The following TAOK3 variants were observed in gnomAD, a reference collection of about 807,000 sequenced individuals.
TAOK3 encodes the protein TAO kinase 3, also known as serine/threonine-protein kinase TAO3.
A neutral mutation model predicts 120.4 loss-of-function variants in TAOK3; 40 were observed. The ratio of observed to expected loss-of-function variants is 0.33; its 90% CI spans 0.26 to 0.43. TAOK3 has a LOEUF of 0.43. Ranked by LOEUF, TAOK3 falls within the 20% of genes least tolerant of loss-of-function variation. The pLI is 1.00. For missense variants in TAOK3, 821 were observed against 1,112.1 expected (o/e 0.74, Z 3.72); for synonymous variants, 355 against 387.5 (o/e 0.92, Z 0.99).
chr12:118,187,701 G>A (rs2139023935), intron 14 of TAOK3, among the ~76,000 whole-genome samples: 1 of 152,026 alleles, frequency 6.6e-6, no homozygotes, highest in East Asian at 1.9e-4. Flanking sequence ...TTTAGAGAGG[G>A]CACCCCACAA....
At chr12:118,299,831 T>A (rs2042814460) in intron 1 of TAOK3, among the ~76,000 whole-genome samples, 1 of 152,180 alleles carries the variant, frequency 6.6e-6, no homozygotes, top group Non-Finnish European at 1.5e-5. Context: ...TTTTATTTTT[T>A]TTTTTAAACT....
intron 9 of TAOK3, among the ~76,000 whole-genome samples, chr12:118,215,253 T>C (rs1160796363): frequency 2.4e-5 from 3 of 123,184 alleles, no homozygotes. Flanking sequence ...CCCAGCACTT[T>C]GGGAGGCCGA....
intron 16 of TAOK3, among the ~76,000 whole-genome samples, chr12:118,176,512 G>A (rs1399893770): frequency 6.6e-6 from 1 of 152,138 alleles, no homozygotes; most frequent in Non-Finnish European, 1.5e-5. Flanking sequence ...TTTGACTGAT[G>A]TGGAAAATAC....
intron 2 of TAOK3, 64 bp downstream of exon 2, chr12:118,266,591 A>T: frequency 2.5e-6 from 1 of 396,924 alleles, no homozygotes; most frequent in Non-Finnish European, 4.4e-6. Context: ...AAATTCATCC[A>T]AAAACCCAGA....
At chr12:118,289,919 C>T (rs1046135533) in intron 1 of TAOK3, among the ~76,000 whole-genome samples, 37 of 149,196 alleles carry the variant, frequency 2.5e-4, no homozygotes, top group African/African-American at 7.4e-4. Context: ...AGCTTGAACC[C>T]GGGAATGTAG....
intron 1 of TAOK3, among the ~76,000 whole-genome samples, chr12:118,344,252 G>C (rs2141154481): frequency 6.7e-6 from 1 of 149,584 alleles, no homozygotes; most frequent in East Asian, 2.0e-4. Context: ...AAAGATTCAA[G>C]CTCTTGATTA....
chr12:118,189,952 G>T lies in TAOK3; in HGVS notation c.1195-11C>A. 4 of 1,613,018 alleles carry T rather than the reference G, an allele frequency of 2.5e-6. No homozygotes were observed. ...TATGAATACATGATCCTGCAGAAAT[G>T]GATAAAAACAAGGAGAAAGTCCAGC... On this transcript the variant is annotated splice_polypyrimidine_tract_variant and intron_variant, in intron 13 of 20. Transcript: ENST00000392533.
chr12:118,289,375 C>T (rs2042389756), intron 1 of TAOK3, among the ~76,000 whole-genome samples: 1 of 150,544 alleles, frequency 6.6e-6, no homozygotes. Context: ...TTTGATGATC[C>T]TTTTCCTTCC....
chr12:118,294,229 A>G (rs2042590515), intron 1 of TAOK3, among the ~76,000 whole-genome samples: 1 of 152,154 alleles, frequency 6.6e-6, no homozygotes, highest in South Asian at 2.1e-4. Context: ...TGAAACCATC[A>G]ACACAATCAA....
intron 1 of TAOK3, among the ~76,000 whole-genome samples, chr12:118,280,792 T>C (rs926446382): frequency 6.6e-6 from 1 of 152,246 alleles, no homozygotes; most frequent in African/African-American, 2.4e-5. Context: ...TTGGGCAGTA[T>C]GGCCATTTTA....
intron 11 of TAOK3, among the ~76,000 whole-genome samples, chr12:118,202,170 TAATA>T (rs938542893): frequency 4.2e-4 from 62 of 148,776 alleles, no homozygotes; most frequent in Non-Finnish European, 6.8e-4. Context: ...AACAAATATA[TAATA>T]AATATATATA....
chr12:118,369,316 T>C (rs1367048861), intron 1 of TAOK3, among the ~76,000 whole-genome samples: 2 of 152,196 alleles, frequency 1.3e-5, no homozygotes, highest in African/African-American at 4.8e-5. Context: ...CCCTACCTAC[T>C]CTCCTAACCC....
In TAOK3 at chr12:118,160,013, C is replaced by G; in HGVS notation, c.2352+133G>C. 2.6e-6 allele frequency: 2 copies of G among 778,814 alleles called. No individual in the cohort carries two copies. The highest frequency in any genetic ancestry group is 2.5e-5 in the East Asian group (1 of 39,366). 48.2% of individuals were successfully genotyped at this position (778,814 alleles called of 1,614,324 possible). ...TGGCTTTATTCAACGTCGTCCTTTC[C>G]TCAGTCCTTTGGGCAGAAAAACATC... On this transcript the variant is annotated intron_variant, in intron 19 of 20. Transcript: ENST00000392533. This position sits in a 1 kb window ranked among gnomAD's most constrained non-coding sequence, Gnocchi z 4.2.
chr12:118,227,916 T>C (rs1205677182), intron 9 of TAOK3, among the ~76,000 whole-genome samples: 1 of 152,204 alleles, frequency 6.6e-6, no homozygotes, highest in Non-Finnish European at 1.5e-5. Context: ...TATTTACTTC[T>C]AATTTTTGAA....
intron 9 of TAOK3, among the ~76,000 whole-genome samples, chr12:118,232,619 C>T (rs1351978922): frequency 6.6e-6 from 1 of 152,096 alleles, no homozygotes; most frequent in African/African-American, 2.4e-5. Context: ...AAATTAATAA[C>T]ATGAGACTGG....
chr12:118,258,858 T>A (rs747042441), intron 2 of TAOK3, among the ~76,000 whole-genome samples: 1 of 151,874 alleles, frequency 6.6e-6, no homozygotes, highest in East Asian at 1.9e-4. Flanking sequence ...TTTAAGAAAA[T>A]CAAAAAGACC....
At chr12:118,294,388 T>C (rs1360894516) in intron 1 of TAOK3, among the ~76,000 whole-genome samples, 1 of 151,936 alleles carries the variant, frequency 6.6e-6, no homozygotes, top group Non-Finnish European at 1.5e-5. Context: ...TTCTTTTCTT[T>C]TTTTTTTCTT....
At chr12:118,365,595 G>A (rs1482600572) in intron 1 of TAOK3, among the ~76,000 whole-genome samples, 1 of 152,064 alleles carries the variant, frequency 6.6e-6, no homozygotes, top group African/African-American at 2.4e-5. Flanking sequence ...ACTCAATGAG[G>A]GTAAGAAACA....
chr12:118,310,582 CA>C lies in TAOK3; in HGVS notation c.-193-43824del, dbSNP rs1413149989. On this transcript the variant is annotated intron_variant, in intron 1 of 20. Coordinates refer to ENST00000392533, the MANE Select transcript of TAOK3 (RefSeq NM_016281.4). Reference sequence around the variant, plus strand: ...CATTTTTCTTGGAGTTCACAGAAAACAAAAAATAAGGCAACATAAAAATTAT... The same window carrying C: ...CATTTTTCTTGGAGTTCACAGAAAACAAAAATAAGGCAACATAAAAATTAT... 2.0e-5 allele frequency among the ~76,000 whole-genome samples: 3 copies of C among 151,972 alleles called. No individual in the cohort carries two copies. The South Asian group carries it at 6.2e-4, about 32-fold the overall frequency.
Sources: allele counts gnomAD v4.1 joint callset (sites outside exome capture counted in the v4.1 genomes callset), GRCh38; gene constraint gnomAD v4.1.1; non-coding constraint Gnocchi (gnomAD v3.1); transcripts MANE v1.5; gene names NCBI Gene and HGNC (gene_info 2026-07-23, HGNC 2026-07-21).